TMEM182: variants seen among roughly 807,000 people sequenced by gnomAD.
TMEM182 encodes transmembrane protein 182.
Under a neutral mutation model 26.8 loss-of-function variants are expected in TMEM182, and 20 were observed. The observed-to-expected ratio is 0.75, with a 90% CI of 0.53 to 1.09. The LOEUF is 1.09. TMEM182 is among the 50% of genes least tolerant of loss of function. The pLI is 0.00. For missense variants in TMEM182, 277 were observed against 275.5 expected (o/e 1.01, Z -0.04); for synonymous variants, 109 against 102.2 (o/e 1.07, Z -0.40).
At chr2:102,741,824 A>G (rs936439619) in intron 1 of TMEM182, among the ~76,000 whole-genome samples, 2 of 152,124 alleles carry the variant, frequency 1.3e-5, no homozygotes, top group African/African-American at 4.8e-5. Flanking sequence ...AAAACACACA[A>G]CAAGGAACTA....
chr2:102,768,654 T>A (rs564900697), intron 3 of TMEM182, among the ~76,000 whole-genome samples: 1 of 152,086 alleles, frequency 6.6e-6, no homozygotes, highest in East Asian at 1.9e-4. Context: ...TGAGCTGAGA[T>A]CATGCCACTG....
chr2:102,762,917 CTG>C (rs1387690727), intron 2 of TMEM182, among the ~76,000 whole-genome samples: 2 of 152,108 alleles, frequency 1.3e-5, no homozygotes, highest in Admixed American at 6.6e-5. Context: ...TATGGCAAAA[CTG>C]AATTATCCAT....
intron 3 of TMEM182, among the ~76,000 whole-genome samples, chr2:102,778,855 C>G (rs1681040148): frequency 6.6e-6 from 1 of 152,096 alleles, no homozygotes; most frequent in African/African-American, 2.4e-5. Context: ...ACTCTTTTTG[C>G]TTCAATCATC....
chr2:102,750,596 A>G (rs764306981), intron 1 of TMEM182, among the ~76,000 whole-genome samples: 3 of 152,308 alleles, frequency 2.0e-5, no homozygotes, highest in Non-Finnish European at 4.4e-5. Flanking sequence ...CAATGGGTGA[A>G]TGAATAAGAA....
upstream of TMEM182, among the ~76,000 whole-genome samples, chr2:102,759,142 T>TA (rs756064011): frequency 1.4e-4 from 22 of 152,168 alleles, no homozygotes; most frequent in East Asian, 3.9e-4. Flanking sequence ...TTCCCCTAAT[T>TA]AAAAAAAATC....
rs1231009680 is a variant in TMEM182 at position 102,817,193 on chromosome 2, A to G, written c.*2225A>G. 2.0e-6 allele frequency: 2 copies of G among 985,204 alleles called. No homozygotes were observed. The highest frequency in any genetic ancestry group is 1.1e-4 in the East Asian group (1 of 8,826). 61.0% of individuals were successfully genotyped at this position (985,204 alleles called of 1,614,324 possible). A position where few individuals can be genotyped will look rare whatever the true frequency, so the allele number is the denominator to read the frequency against. ...TATAGTACATTATTGTAGCAACCTTATATCTGATTTGAGATACTGTGTTGC... is the reference window on the plus strand; with the variant it reads ...TATAGTACATTATTGTAGCAACCTTGTATCTGATTTGAGATACTGTGTTGC... On this transcript the variant is annotated 3_prime_UTR_variant, in exon 5 of 5. Transcript: ENST00000412401.
chr2:102,824,438 G>A (rs1354560526), intron 3 of TMEM182, among the ~76,000 whole-genome samples: 1 of 152,114 alleles, frequency 6.6e-6, no homozygotes, highest in Non-Finnish European at 1.5e-5. Flanking sequence ...CCTCTTTGCT[G>A]TTCTCATGAT....
At chr2:102,750,993 C>T (rs1679860246) in intron 1 of TMEM182, among the ~76,000 whole-genome samples, 1 of 152,150 alleles carries the variant, frequency 6.6e-6, no homozygotes, top group Admixed American at 6.5e-5. Context: ...TTGCTGTGGC[C>T]TCATTTAGCT....
intron 3 of TMEM182, among the ~76,000 whole-genome samples, chr2:102,790,012 T>C (rs1272962277): frequency 2.0e-5 from 3 of 152,176 alleles, no homozygotes; most frequent in Non-Finnish European, 4.4e-5. Flanking sequence ...CCTGAAATCA[T>C]GGTCTTTCCT....
At chr2:102,842,220 T>C (rs1310268308) in intron 3 of TMEM182, among the ~76,000 whole-genome samples, 2 of 152,210 alleles carry the variant, frequency 1.3e-5, no homozygotes, top group South Asian at 2.1e-4. Flanking sequence ...AGAACTCAAA[T>C]GCAGAATTAT....
chr2:102,748,081 G>A (rs1679769514), intron 1 of TMEM182, among the ~76,000 whole-genome samples: 1 of 152,212 alleles, frequency 6.6e-6, no homozygotes, highest in Admixed American at 6.5e-5. Context: ...TATCTTCAAG[G>A]TTGCCTTCAG....
chr2:102,764,272 A>G (rs2104660178), intron 2 of TMEM182, 57 bp from the exon 3 acceptor site: 2 of 1,520,488 alleles, frequency 1.3e-6, no homozygotes, highest in South Asian at 1.1e-5. Context: ...TCCATTAAGG[A>G]TGAGTCATGA....
chr2:102,755,610 A>G (rs935752646), intron 1 of TMEM182, among the ~76,000 whole-genome samples: 1 of 152,300 alleles, frequency 6.6e-6, no homozygotes, highest in South Asian at 2.1e-4. Context: ...TGTCAAATGA[A>G]TCAAGATTTA....
chr2:102,741,227 T>C (rs1679533574), intron 1 of TMEM182, among the ~76,000 whole-genome samples: 1 of 152,170 alleles, frequency 6.6e-6, no homozygotes, highest in Admixed American at 6.6e-5. Context: ...TAGTAACTAG[T>C]AGGATGACTT....
At chr2:102,819,472 C>G (rs958530535), downstream of TMEM182, among the ~76,000 whole-genome samples, 2 of 152,112 alleles carry the variant, frequency 1.3e-5, no homozygotes, top group Non-Finnish European at 2.9e-5. Flanking sequence ...ATTAACTTGT[C>G]TATGTGTACC....
chr2:102,778,328 T>C (rs550962237), intron 3 of TMEM182, among the ~76,000 whole-genome samples: 2 of 152,124 alleles, frequency 1.3e-5, no homozygotes, highest in South Asian at 4.1e-4. Flanking sequence ...TCCTACATTC[T>C]TTTAATTAAT....
intron 3 of TMEM182, among the ~76,000 whole-genome samples, chr2:102,780,448 T>G (rs1309125697): frequency 6.6e-6 from 1 of 152,112 alleles, no homozygotes; most frequent in Non-Finnish European, 1.5e-5. Context: ...CAAGACCTCA[T>G]TACAGCTCTA....
At chr2:102,763,960 G>C (rs918278297) in intron 2 of TMEM182, among the ~76,000 whole-genome samples, 27 of 152,056 alleles carry the variant, frequency 1.8e-4, no homozygotes, top group African/African-American at 6.5e-4. Flanking sequence ...AAGTTTATTA[G>C]ATTTTTAAAA....
intron 1 of TMEM182, among the ~76,000 whole-genome samples, chr2:102,750,884 A>G (rs773186523): frequency 6.6e-6 from 1 of 152,140 alleles, no homozygotes; most frequent in Non-Finnish European, 1.5e-5. Flanking sequence ...AAAAACAGAC[A>G]TTTTCTCATA....
Sources: allele counts gnomAD v4.1 joint callset (sites outside exome capture counted in the v4.1 genomes callset), GRCh38; gene constraint gnomAD v4.1.1; transcripts MANE v1.5; gene names NCBI Gene and HGNC (gene_info 2026-07-23, HGNC 2026-07-21).